Variants in LUZP2 observed in about 807,000 individuals in gnomAD.
The protein encoded by LUZP2 is leucine zipper protein 2.
LUZP2 carries 52 observed loss-of-function variants against 51.6 expected under a neutral mutation model. The ratio of observed to expected loss-of-function variants is 1.01; its 90% CI spans 0.81 to 1.27. The LOEUF (loss-of-function observed/expected upper bound fraction) is 1.27. LUZP2 is among the 50% of genes most tolerant of loss of function. The probability of loss-of-function intolerance (pLI) is 0.00; values close to 1 mark genes in which losing one functional copy is unlikely to be tolerated. For missense variants in LUZP2, 436 were observed against 395.4 expected (o/e 1.10, Z -0.87); for synonymous variants, 154 against 137.3 (o/e 1.12, Z -0.85).
chr11:24,638,989 G>C (rs568919576), intron 1 of LUZP2, among the ~76,000 whole-genome samples: 1 of 151,664 alleles, frequency 6.6e-6, no homozygotes, highest in Admixed American at 6.6e-5. Flanking sequence ...AGGAAAAAGA[G>C]AGAAAATGTT....
chr11:24,626,174 C>G (rs1854674541), intron 1 of LUZP2, among the ~76,000 whole-genome samples: 1 of 152,068 alleles, frequency 6.6e-6, no homozygotes, highest in Non-Finnish European at 1.5e-5. Context: ...CAACAAATGG[C>G]AGCCATCTCA....
In LUZP2 at chr11:24,815,004, AAAT is replaced by A. The variant is rs200530658; in HGVS notation, c.396+51699_396+51701del. 9.9e-3 allele frequency among the ~76,000 whole-genome samples: 1,371 copies of A among 139,014 alleles called. 40 individuals are homozygous for A. The highest frequency in any genetic ancestry group is 0.032 in the African/African-American group (1,183 of 37,330). The allele number at this position is 139,014 out of a possible 152,430, so 91.2% of individuals were successfully genotyped here. On this transcript the variant is annotated intron_variant, in intron 5 of 11. Transcript: ENST00000336930. ...GAGACTCCGTCTCAAAAAAAAAAAA[AAAT>A]AAAAATAATCAATGTGAAAGCAAAA...
chr11:24,602,704 T>C (rs1028560254), intron 1 of LUZP2, among the ~76,000 whole-genome samples: 13 of 151,640 alleles, frequency 8.6e-5, no homozygotes, highest in Non-Finnish European at 1.8e-4. Context: ...ATTATTATTA[T>C]ATTATTATTG....
At chr11:24,647,731 G>C (rs574133096) in intron 1 of LUZP2, among the ~76,000 whole-genome samples, 1 of 151,900 alleles carries the variant, frequency 6.6e-6, no homozygotes, top group African/African-American at 2.4e-5. Flanking sequence ...CCTTTATCAA[G>C]ATTGCCCCTC....
At chr11:24,651,604 C>A (rs1855625433) in intron 1 of LUZP2, among the ~76,000 whole-genome samples, 1 of 151,978 alleles carries the variant, frequency 6.6e-6, no homozygotes. Context: ...TAGCTGGTAA[C>A]CAAAGTCATA....
chr11:24,572,432 T>A (rs1509592), intron 1 of LUZP2, among the ~76,000 whole-genome samples: 1 of 151,766 alleles, frequency 6.6e-6, no homozygotes, highest in Non-Finnish European at 1.5e-5. Flanking sequence ...CAAAGACTCA[T>A]TAGAGTTTGT....
intron 5 of LUZP2, among the ~76,000 whole-genome samples, chr11:24,834,844 T>C (rs925405796): frequency 8.5e-5 from 13 of 152,220 alleles, no homozygotes; most frequent in African/African-American, 3.1e-4. Flanking sequence ...TAATGACCAG[T>C]GACGATGAAC....
At chr11:24,752,854 A>G (rs951232220) in intron 4 of LUZP2, among the ~76,000 whole-genome samples, 3 of 152,158 alleles carry the variant, frequency 2.0e-5, no homozygotes, top group African/African-American at 7.2e-5. Context: ...TTAATAATTT[A>G]ATTTTTAAAA....
intron 1 of LUZP2, among the ~76,000 whole-genome samples, chr11:24,567,451 A>ATAT (rs1221225897): frequency 2.0e-5 from 3 of 152,094 alleles, no homozygotes; most frequent in Non-Finnish European, 4.4e-5. Flanking sequence ...AATGTGATGT[A>ATAT]ACCATTAGTA....
intron 4 of LUZP2, among the ~76,000 whole-genome samples, chr11:24,761,460 G>A (rs1211507926): frequency 6.6e-6 from 1 of 152,118 alleles, no homozygotes; most frequent in Non-Finnish European, 1.5e-5. Context: ...CATGAGATTA[G>A]GGTGGGAACA....
intron 1 of LUZP2, among the ~76,000 whole-genome samples, chr11:24,510,226 G>A (rs755785425): frequency 1.3e-5 from 2 of 152,168 alleles, no homozygotes; most frequent in Non-Finnish European, 1.5e-5. Flanking sequence ...GAAAGAAAAC[G>A]AAAGAGCAGA....
intron 5 of LUZP2, chr11:24,786,413 A>G: frequency 1.0e-6 from 1 of 982,392 alleles, no homozygotes; most frequent in South Asian, 4.7e-5. Context: ...TCCACTTAGT[A>G]TACATATGCA....
intron 1 of LUZP2, among the ~76,000 whole-genome samples, chr11:24,526,457 C>CT (rs3077900): frequency 0.086 from 12,630 of 147,522 alleles, 1,410 homozygotes; most frequent in African/African-American, 0.27. Flanking sequence ...ACTCTCTACT[C>CT]TTTTTTTTTT....
intron 5 of LUZP2, among the ~76,000 whole-genome samples, chr11:24,798,381 G>T (rs922850629): frequency 6.6e-6 from 1 of 151,918 alleles, no homozygotes; most frequent in Non-Finnish European, 1.5e-5. Context: ...ATTGCTTTTA[G>T]AGATAGAGGC....
intron 5 of LUZP2, among the ~76,000 whole-genome samples, chr11:24,865,352 T>G (rs1295138862): frequency 3.3e-5 from 5 of 152,246 alleles, no homozygotes. Context: ...AGTAGGATAA[T>G]CTAAATATTT....
At chr11:25,070,505 A>T (rs1403671908) in intron 10 of LUZP2, among the ~76,000 whole-genome samples, 2 of 150,768 alleles carry the variant, frequency 1.3e-5, no homozygotes, top group African/African-American at 4.9e-5. Flanking sequence ...CATCACATTC[A>T]TAGGGTCTGC....
rs1305563569 is a variant in LUZP2 at position 24,537,713 on chromosome 11, A to G, written c.62+40408A>G. On this transcript the variant is annotated intron_variant, in intron 1 of 11. Transcript: ENST00000336930. Reference sequence around the variant, plus strand: ...AGTTTCAGTCTAGTCTGTGAAACTAAAGTGAAAAGCCTTTTACAATTTTTT... The same window carrying G: ...AGTTTCAGTCTAGTCTGTGAAACTAGAGTGAAAAGCCTTTTACAATTTTTT... Among the ~76,000 whole-genome samples the G allele has an allele frequency of 2.0e-5, 3 of 152,022 alleles. No individual in the cohort carries two copies. In the East Asian group the frequency reaches 5.8e-4, roughly 30 times the overall value.
At chr11:24,869,818 C>A (rs1243129919) in intron 5 of LUZP2, among the ~76,000 whole-genome samples, 1 of 152,012 alleles carries the variant, frequency 6.6e-6, no homozygotes, top group African/African-American at 2.4e-5. Flanking sequence ...TATAGTAATA[C>A]CCTACAATGA....
At chr11:24,926,667 A>ATATGTGTGTGTATATATATATG (rs139020713) in intron 7 of LUZP2, among the ~76,000 whole-genome samples, 19 of 146,202 alleles carry the variant, frequency 1.3e-4, no homozygotes, top group Non-Finnish European at 1.5e-4. Flanking sequence ...GTATATATAT[A>ATATGTGTGTGTATATATATATG]TGTGTGTGTG....
Sources: gnomAD v4.1 joint callset for allele counts (sites outside exome capture counted in the v4.1 genomes callset) on GRCh38, gnomAD v4.1.1 for gene constraint, MANE v1.5 for transcripts, NCBI Gene and HGNC (gene_info 2026-07-23, HGNC 2026-07-21) for gene names.